The following ACP6 variants were observed in gnomAD, a reference collection of about 807,000 sequenced individuals.
ACP6 encodes acid phosphatase 6, lysophosphatidic.
Under a neutral mutation model 48.1 loss-of-function variants are expected in ACP6, and 48 were observed. That is an observed-to-expected ratio of 1.00 (90% CI 0.79 to 1.27). The LOEUF is 1.27. Ranked by LOEUF, ACP6 falls within the 50% of genes most tolerant of loss-of-function variation. ACP6 has a pLI of 0.00. For missense variants in ACP6, 485 were observed against 529.1 expected (o/e 0.92, Z 0.82); for synonymous variants, 172 against 204.2 (o/e 0.84, Z 1.34).
At chr1:147,651,552 G>A (rs1553210551) in intron 7 of ACP6, 1 of 151,996 alleles carries the variant, frequency 6.6e-6, no homozygotes, top group East Asian at 1.9e-4. Context: ...TAGGTATGGT[G>A]GCACCCCTTC....
chr1:147,641,463 G>C (rs1216786682), downstream of ACP6, among the ~76,000 whole-genome samples: 1 of 152,202 alleles, frequency 6.6e-6, no homozygotes, highest in African/African-American at 2.4e-5. Flanking sequence ...AAGCCACGAG[G>C]CCCTCGGGAA....
Position 147,644,185 on chromosome 1 carries a change from G to C in ACP6, c.*3238C>G, listed in dbSNP as rs1421266426. 6.6e-6 allele frequency: 1 copy of C among 152,186 alleles called. No individual in the cohort carries two copies. Among genetic ancestry groups the C allele is most frequent in the African/African-American group, 2.4e-5 (1 of 41,432 alleles). The allele number at this position is 152,186 out of a possible 1,614,324, so 9.4% of individuals were successfully genotyped here. ...TGAAACATTTTCACCACAAGAAAGT[G>C]ATGAGTAGATGAAGTGATGAATATG... On this transcript the variant is annotated 3_prime_UTR_variant, in exon 10 of 10. Transcript: ENST00000583509.
chr1:147,667,470 C>T (rs1238817706), intron 1 of ACP6, among the ~76,000 whole-genome samples: 1 of 152,134 alleles, frequency 6.6e-6, no homozygotes, highest in East Asian at 1.9e-4. Flanking sequence ...CCTGCCTCAG[C>T]CTCCCAAAGT....
chr1:147,632,837 G>T (rs1234118774), intron 5 of ACP6, among the ~76,000 whole-genome samples: 1 of 152,134 alleles, frequency 6.6e-6, no homozygotes, highest in Non-Finnish European at 1.5e-5. Context: ...GGTTGAGGAG[G>T]TGAGGCTCCT....
At chr1:147,665,333 G>A (rs1156552899) in intron 1 of ACP6, among the ~76,000 whole-genome samples, 2 of 152,214 alleles carry the variant, frequency 1.3e-5, no homozygotes, top group African/African-American at 4.8e-5. Context: ...TAACAATAGA[G>A]GAGGTAGATG....
At chr1:147,636,843 C>G (rs111757172) in intron 5 of ACP6, among the ~76,000 whole-genome samples, 5 of 152,326 alleles carry the variant, frequency 3.3e-5, no homozygotes, top group African/African-American at 1.2e-4. Context: ...CATGATTCTT[C>G]TTTCAGAAGG....
At chr1:147,636,078 G>C (rs587756508) in intron 5 of ACP6, among the ~76,000 whole-genome samples, 1 of 152,158 alleles carries the variant, frequency 6.6e-6, no homozygotes, top group African/African-American at 2.4e-5. Context: ...GATGGTACTT[G>C]AAATTGATTA....
chr1:147,658,309 G>C (rs1289671906), intron 4 of ACP6, among the ~76,000 whole-genome samples: 1 of 152,176 alleles, frequency 6.6e-6, no homozygotes. Flanking sequence ...TTTTTAATAA[G>C]GTCATGATGA....
chr1:147,647,798 T>A, intron 9 of ACP6: 1 of 608,080 alleles, frequency 1.6e-6, no homozygotes, highest in South Asian at 2.2e-5. Flanking sequence ...TCGAGTTACA[T>A]CCCCGAGCTG....
chr1:147,663,551 CT>C (rs1186432799), intron 1 of ACP6, among the ~76,000 whole-genome samples: 4 of 152,174 alleles, frequency 2.6e-5, no homozygotes, highest in Non-Finnish European at 4.4e-5. Context: ...TGGCTCATAC[CT>C]GTAATCCTAG....
chr1:147,650,126 G>A lies in ACP6; in HGVS notation c.977+17C>T, dbSNP rs1553210221. On this transcript the variant is annotated intron_variant, in intron 8 of 9. Coordinates refer to ENST00000583509, the MANE Select transcript of ACP6 (RefSeq NM_016361.5). ...ACGGCCCTTAGCTGCACAAAGCAGA[G>A]TTGCTGTGCCAGGTACCTGATCTTG... 6.2e-7 allele frequency: 1 copy of A among 1,601,492 alleles called. No homozygotes were observed. The highest frequency in any genetic ancestry group is 8.5e-7 in the Non-Finnish European group (1 of 1,172,846).
chr1:147,653,479 T>A (rs1553211035), intron 6 of ACP6, among the ~76,000 whole-genome samples: 1 of 151,796 alleles, frequency 6.6e-6, no homozygotes, highest in African/African-American at 2.4e-5. Flanking sequence ...AAGCAAGGAA[T>A]TCATAAATTC....
downstream of ACP6, among the ~76,000 whole-genome samples, chr1:147,641,922 T>G (rs1401402265): frequency 7.2e-5 from 11 of 152,074 alleles, no homozygotes; most frequent in African/African-American, 2.7e-4. Flanking sequence ...TTGCGAAACC[T>G]ACCACAGTTA....
chr1:147,662,329 G>A (rs1553212928), intron 1 of ACP6, among the ~76,000 whole-genome samples: 1 of 152,252 alleles, frequency 6.6e-6, no homozygotes, highest in East Asian at 1.9e-4. Flanking sequence ...ATTTTGTAAG[G>A]CTATTGTTGC....
At chr1:147,662,512 C>T (rs1660596857) in intron 1 of ACP6, among the ~76,000 whole-genome samples, 1 of 152,194 alleles carries the variant, frequency 6.6e-6, no homozygotes, top group South Asian at 2.1e-4. Context: ...TTTGAAGATT[C>T]AGGCTTCCGT....
intron 5 of ACP6, among the ~76,000 whole-genome samples, chr1:147,634,745 C>T (rs1031822807): frequency 1.2e-4 from 18 of 152,186 alleles, no homozygotes; most frequent in African/African-American, 4.3e-4. Flanking sequence ...AGGCTAGGAA[C>T]TGTGGATGCA....
chr1:147,659,904 T>C, intron 1 of ACP6, 129 bp from the exon 2 acceptor site: 1 of 1,136,476 alleles, frequency 8.8e-7, no homozygotes, highest in Non-Finnish European at 1.2e-6. Context: ...TCCTATGGGA[T>C]GGAAGGAAAG....
rs1660197282 is a variant in ACP6 at position 147,655,305 on chromosome 1, ATCTCCACCCCCT to A, written c.560-69_560-58del. 6 of 1,249,076 alleles carry A rather than the reference ATCTCCACCCCCT, an allele frequency of 4.8e-6. No individual in the cohort carries two copies. The East Asian group carries it at 1.5e-4, about 31-fold the overall frequency. The allele number at this position is 1,249,076 out of a possible 1,614,324, so 77.4% of individuals were successfully genotyped here. On this transcript the variant is annotated intron_variant, in intron 4 of 9. Coordinates refer to ENST00000583509, the MANE Select transcript of ACP6 (RefSeq NM_016361.5). The stretch of plus-strand genomic sequence containing the variant: ...GAGGCTTCAGCTTGTTCTTCCCAGC[ATCTCCACCCCCT>A]TCTCTTTGTCTACAGAGATGGAGCA...
intron 1 of ACP6, among the ~76,000 whole-genome samples, chr1:147,660,416 G>C (rs1033328637): frequency 6.6e-6 from 1 of 152,188 alleles, no homozygotes; most frequent in South Asian, 2.1e-4. Context: ...CACTCATTGA[G>C]TCAGATGTGA....
Sources: gnomAD v4.1 joint callset for allele counts (sites outside exome capture counted in the v4.1 genomes callset) on GRCh38, gnomAD v4.1.1 for gene constraint, MANE v1.5 for transcripts, NCBI Gene and HGNC (gene_info 2026-07-23, HGNC 2026-07-21) for gene names.